Variants in NDE1 observed in about 807,000 individuals in gnomAD.
NDE1 encodes nudE neurodevelopment protein 1, also known as nuclear distribution protein nudE homolog 1.
In NDE1, 28 loss-of-function variants were observed where a neutral mutation model predicts 43.4. The observed-to-expected ratio is 0.65, with a 90% CI of 0.48 to 0.89. The LOEUF is 0.89. Among genes scored for constraint, NDE1 ranks in the 40% least tolerant of loss-of-function variants. The probability of loss-of-function intolerance (pLI) is 0.00; values close to 1 mark genes in which losing one functional copy is unlikely to be tolerated. For missense variants in NDE1, 441 were observed against 434.1 expected (o/e 1.02, Z -0.14); for synonymous variants, 184 against 172.0 (o/e 1.07, Z -0.55).
chr16:15,700,103 C>T (rs897809773), intron 8 of NDE1: 9 of 1,131,738 alleles, frequency 8.0e-6, no homozygotes, highest in Admixed American at 4.3e-5. Flanking sequence ...ATGAGGCTAC[C>T]GTGTTGTTTT....
intron 4 of NDE1, among the ~76,000 whole-genome samples, chr16:15,682,614 C>A (rs2038238186): frequency 1.3e-5 from 2 of 152,202 alleles, no homozygotes; most frequent in Non-Finnish European, 2.9e-5. Context: ...AAATTAAATA[C>A]ATTTCCTAAA....
At chr16:15,690,338 TTTTTTTTTTTTTTTC>T (rs2038675975) in intron 5 of NDE1, among the ~76,000 whole-genome samples, 1 of 97,950 alleles carries the variant, frequency 1.0e-5, no homozygotes, top group Non-Finnish European at 1.8e-5. Flanking sequence ...GCAACTGGCC[TTTTTTTTTTTTTTTC>T]TTTTTTTTTT....
intron 8 of NDE1, chr16:15,704,079 C>T: frequency 2.5e-6 from 4 of 1,614,170 alleles, no homozygotes; most frequent in South Asian, 1.1e-5. Context: ...AACTCTACGT[C>T]CTCCAGACCT....
chr16:15,716,211 G>A (rs987564666), intron 8 of NDE1, among the ~76,000 whole-genome samples: 5 of 152,096 alleles, frequency 3.3e-5, no homozygotes, highest in African/African-American at 9.7e-5. Context: ...GGGATTATGG[G>A]CATGAAATAC....
chr16:15,712,121 G>C (rs1226469216), intron 8 of NDE1, among the ~76,000 whole-genome samples: 2 of 152,218 alleles, frequency 1.3e-5, no homozygotes, highest in Non-Finnish European at 2.9e-5. Context: ...CATCATTTTA[G>C]CTGCTGAGCT....
rs1350096381 is a variant in NDE1 at position 15,726,338 on chromosome 16, T to G, written c.*2087T>G. 5.7e-6 allele frequency: 1 copy of G among 175,036 alleles called. No individual in the cohort carries two copies. Among genetic ancestry groups the G allele is most frequent in the East Asian group, 1.5e-4 (1 of 6,636 alleles). 10.8% of individuals were successfully genotyped at this position (175,036 alleles called of 1,614,324 possible). ...CATACAGCAGGTGCTCAATAAATAC[T>G]TATCAAATTGGAAAAGGAAGGGTTT... On this transcript the variant is annotated 3_prime_UTR_variant, in exon 9 of 9. Coordinates refer to ENST00000396354, the MANE Select transcript of NDE1 (RefSeq NM_017668.3).
chr16:15,678,169 G>A (rs1567639745), intron 4 of NDE1, among the ~76,000 whole-genome samples: 1 of 152,146 alleles, frequency 6.6e-6, no homozygotes, highest in Non-Finnish European at 1.5e-5. Context: ...GTGCTGTGGG[G>A]GTGTGTAATA....
chr16:15,686,388 A>G, intron 4 of NDE1: 4 of 985,206 alleles, frequency 4.1e-6, no homozygotes, highest in Non-Finnish European at 4.8e-6. Context: ...GTTTTCTTAC[A>G]GCACTTGGCA....
intron 8 of NDE1, among the ~76,000 whole-genome samples, chr16:15,712,192 T>C (rs2039840550): frequency 6.6e-6 from 1 of 152,142 alleles, no homozygotes; most frequent in Non-Finnish European, 1.5e-5. Flanking sequence ...GCAGCATGTT[T>C]GGTGTGAGCT....
intron 8 of NDE1, chr16:15,720,141 T>C: frequency 6.2e-7 from 1 of 1,614,122 alleles, no homozygotes; most frequent in Non-Finnish European, 8.5e-7. Context: ...AAGCTCCTAG[T>C]GTCACCCACC....
intron 2 of NDE1, among the ~76,000 whole-genome samples, chr16:15,665,969 A>G (rs1237904448): frequency 6.6e-6 from 1 of 151,902 alleles, no homozygotes; most frequent in Non-Finnish European, 1.5e-5. Context: ...TTGGTCAGGC[A>G]GCTCTCGAAC....
chr16:15,672,678 T>G (rs1008034775), intron 3 of NDE1: 2 of 152,220 alleles, frequency 1.3e-5, no homozygotes, highest in Non-Finnish European at 2.9e-5. Context: ...CAACAGGTTT[T>G]CATGTCCACA....
chr16:15,709,989 C>G lies in NDE1; in HGVS notation c.947+13129C>G, dbSNP rs567007666. ...ACTTGGTGAAACTCGCACTACAGTT[C>G]CTTCTTGGCTGAGGAGCCAGGCATG... is the stretch of plus-strand genomic sequence containing the variant. On this transcript the variant is annotated intron_variant, in intron 8 of 8. Coordinates refer to ENST00000396354, the MANE Select transcript of NDE1 (RefSeq NM_017668.3). 2.6e-5 allele frequency among the ~76,000 whole-genome samples: 4 copies of G among 152,280 alleles called. No homozygotes were observed. The East Asian group carries it at 7.7e-4, about 29-fold the overall frequency.
intron 8 of NDE1, among the ~76,000 whole-genome samples, chr16:15,712,059 C>G (rs2039831218): frequency 1.3e-5 from 2 of 152,026 alleles, no homozygotes; most frequent in Non-Finnish European, 2.9e-5. Flanking sequence ...ATAAAGGAGA[C>G]CAAAACGTTA....
At chr16:15,678,933 G>A (rs955836416) in intron 4 of NDE1, among the ~76,000 whole-genome samples, 2 of 151,808 alleles carry the variant, frequency 1.3e-5, no homozygotes, top group East Asian at 2.0e-4. Context: ...AAAATTAGCC[G>A]GGCGTGGTGG....
intron 8 of NDE1, chr16:15,714,923 G>T: frequency 1.2e-6 from 2 of 1,613,980 alleles, no homozygotes. Context: ...GCTTGCTCTT[G>T]AGTGCGTTCA....
chr16:15,714,752 A>T, intron 8 of NDE1: 1 of 966,702 alleles, frequency 1.0e-6, no homozygotes, highest in Non-Finnish European at 1.6e-6. Context: ...TGCCTGGCCC[A>T]CACTAAGCTT....
chr16:15,657,895 C>T (rs1305435814), intron 1 of NDE1, among the ~76,000 whole-genome samples: 2 of 152,182 alleles, frequency 1.3e-5, no homozygotes, highest in Non-Finnish European at 2.9e-5. Flanking sequence ...AGCCATTGCG[C>T]CAGGCACCAC....
Position 15,694,236 on chromosome 16 carries a change from G to C in NDE1, c.775G>C (p.Asp259His). The C allele has an allele frequency of 6.2e-7, 1 of 1,613,874 alleles. No individual in the cohort carries two copies. Among genetic ancestry groups the C allele is most frequent in the Non-Finnish European group, 8.5e-7 (1 of 1,180,008 alleles). Reference protein sequence around the residue: ...ARISALNIVGDLLRKVGALES... With the variant: ...ARISALNIVGHLLRKVGALES... ...GATATCAGCCCTCAACATTGTGGGA[G>C]ACCTACTGCGGAAAGTCGGGGTAAG... Residue 259 changes from aspartate (D) to histidine (H), a missense_variant, in exon 7 of 9, where the codon GAC becomes CAC. Transcript: ENST00000396354.
Sources: allele counts gnomAD v4.1 joint callset (sites outside exome capture counted in the v4.1 genomes callset), GRCh38; gene constraint gnomAD v4.1.1; transcripts MANE v1.5; gene names NCBI Gene and HGNC (gene_info 2026-07-23, HGNC 2026-07-21).